Variants in PLCG2 observed in about 807,000 individuals in gnomAD.
PLCG2 encodes the protein 1-phosphatidylinositol 4,5-bisphosphate phosphodiesterase gamma-2.
PLCG2 carries 69 observed loss-of-function variants against 175.6 expected under a neutral mutation model. The observed-to-expected ratio is 0.39, with a 90% CI of 0.32 to 0.48. The LOEUF is 0.48. Ranked by LOEUF, PLCG2 falls within the 20% of genes least tolerant of loss-of-function variation. PLCG2 has a pLI of 0.91. For synonymous variants in PLCG2, 827 were observed against 624.0 expected, an observed-to-expected ratio of 1.33 and a Z score of -4.85; for missense variants, 1,798 against 1,650.9, an observed-to-expected ratio of 1.09 and a Z score of -1.54.
chr16:81,757,744 C>T (rs1195083260), intron 2 of PLCG2, among the ~76,000 whole-genome samples: 1 of 152,150 alleles, frequency 6.6e-6, no homozygotes, highest in African/African-American at 2.4e-5. Context: ...CTGACATCAT[C>T]ACCACAATCA....
intron 19 of PLCG2, among the ~76,000 whole-genome samples, chr16:81,915,744 G>A: frequency 6.6e-6 from 1 of 152,156 alleles, no homozygotes; most frequent in Non-Finnish European, 1.5e-5. Context: ...CCTGTGGAAG[G>A]AGCCGGAACC....
chr16:81,818,869 G>C (rs924688161), intron 2 of PLCG2, among the ~76,000 whole-genome samples: 1 of 139,046 alleles, frequency 7.2e-6, no homozygotes, highest in Admixed American at 7.7e-5. Context: ...CCATAAGCTA[G>C]TGTGGGCTCA....
rs1051117594 is a variant in PLCG2 at position 81,801,398 on chromosome 16, G to A, written c.193+15216G>A. Among the ~76,000 whole-genome samples the A allele has an allele frequency of 3.9e-5, 6 of 152,288 alleles. No individual in the cohort carries two copies. In the East Asian group the frequency reaches 1.2e-3, roughly 29 times the overall value. On this transcript the variant is annotated intron_variant, in intron 2 of 32. Coordinates refer to ENST00000564138, the MANE Select transcript of PLCG2 (RefSeq NM_002661.5). ...CTTTACATAAAAGACACTGCGTGGT[G>A]TGTATCCCTCAAGCAACTTGCATGT...
At chr16:81,767,085 C>A (rs1228931633) in intron 2 of PLCG2, 1 of 151,366 alleles carries the variant, frequency 6.6e-6, no homozygotes, top group Non-Finnish European at 1.5e-5. Context: ...ATGCTGTTCC[C>A]ATTGCCTGGA....
intron 2 of PLCG2, among the ~76,000 whole-genome samples, chr16:81,800,892 G>A (rs1302315183): frequency 1.3e-5 from 2 of 152,084 alleles, no homozygotes; most frequent in Non-Finnish European, 2.9e-5. Flanking sequence ...CAGGAGGGAG[G>A]CAGGAGGGTC....
chr16:81,842,666 G>C (rs937410229), intron 2 of PLCG2: 4 of 152,314 alleles, frequency 2.6e-5, no homozygotes, highest in Admixed American at 2.6e-4. Flanking sequence ...CATGTTCCTG[G>C]TGTCAGGGGT....
intron 10 of PLCG2, among the ~76,000 whole-genome samples, chr16:81,891,076 T>G (rs1488297823): frequency 6.6e-6 from 1 of 152,034 alleles, no homozygotes; most frequent in Non-Finnish European, 1.5e-5. Flanking sequence ...GGCAGGAGAA[T>G]CGCTTCAACC....
chr16:81,879,665 A>C (rs982642987), intron 7 of PLCG2, among the ~76,000 whole-genome samples: 3 of 152,284 alleles, frequency 2.0e-5, no homozygotes, highest in Non-Finnish European at 4.4e-5. Context: ...TAGTGGATAC[A>C]TTTCCCTAAG....
At chr16:81,823,113 T>C (rs1049896907) in intron 2 of PLCG2, among the ~76,000 whole-genome samples, 1 of 152,268 alleles carries the variant, frequency 6.6e-6, no homozygotes, top group Non-Finnish European at 1.5e-5. Context: ...ATGTTGGCTG[T>C]GGTTTCACAG....
At chr16:81,885,375 G>T (rs1287923670) in intron 9 of PLCG2, among the ~76,000 whole-genome samples, 1 of 151,914 alleles carries the variant, frequency 6.6e-6, no homozygotes, top group Non-Finnish European at 1.5e-5. Context: ...TGTTGCTCAG[G>T]CTGATCTCCA....
At chr16:81,794,782 G>A (rs1911392672) in intron 2 of PLCG2, among the ~76,000 whole-genome samples, 1 of 152,186 alleles carries the variant, frequency 6.6e-6, no homozygotes, top group Non-Finnish European at 1.5e-5. Context: ...ATAAAGGCAA[G>A]ATGGCATTGT....
At chr16:81,852,918 C>A (rs1334324414) in intron 2 of PLCG2, among the ~76,000 whole-genome samples, 2 of 152,100 alleles carry the variant, frequency 1.3e-5, no homozygotes, top group African/African-American at 2.4e-5. Context: ...TCTTCCATGG[C>A]CTCTCCATAG....
intron 1 of PLCG2, among the ~76,000 whole-genome samples, chr16:81,784,121 AATT>A (rs1475707154): frequency 1.3e-5 from 2 of 152,152 alleles, no homozygotes; most frequent in Non-Finnish European, 2.9e-5. Context: ...GAGCAGGTGT[AATT>A]ATCTCCTGCT....
intron 30 of PLCG2, 105 bp from the exon 31 acceptor site, chr16:81,946,070 T>G: frequency 1.2e-6 from 1 of 839,596 alleles, no homozygotes; most frequent in Non-Finnish European, 2.1e-6. Context: ...CACTGACTTC[T>G]CTACCCTTTG....
At chr16:81,908,290 A>G in intron 16 of PLCG2, 126 bp from the exon 17 acceptor site, 1 of 810,038 alleles carries the variant, frequency 1.2e-6, no homozygotes, top group Non-Finnish European at 2.0e-6. Context: ...TCGGGTGGGG[A>G]CCAGCTGAGG....
chr16:81,788,778 C>G (rs1441470235), intron 2 of PLCG2, among the ~76,000 whole-genome samples: 1 of 152,214 alleles, frequency 6.6e-6, no homozygotes, highest in African/African-American at 2.4e-5. Context: ...AGCCAGAGCC[C>G]TGCTTTGGAA....
chr16:81,910,052 G>A (rs913372943), intron 17 of PLCG2, among the ~76,000 whole-genome samples: 7 of 152,092 alleles, frequency 4.6e-5, no homozygotes, highest in African/African-American at 1.4e-4. Flanking sequence ...CTGGAATCCA[G>A]GCTGAGGGTC....
At chr16:81,760,448 G>A (rs142139796) in intron 2 of PLCG2, among the ~76,000 whole-genome samples, 58 of 152,258 alleles carry the variant, frequency 3.8e-4, no homozygotes, top group Non-Finnish European at 7.4e-4. Flanking sequence ...ATGCTGGTAC[G>A]TCTGACTATG....
chr16:81,956,040 C>T (rs192093172), intron 31 of PLCG2, among the ~76,000 whole-genome samples: 37 of 152,314 alleles, frequency 2.4e-4, no homozygotes, highest in African/African-American at 7.0e-4. Context: ...AGAAACCTCA[C>T]GCTCATTAGC....
Sources: allele counts gnomAD v4.1 joint callset (sites outside exome capture counted in the v4.1 genomes callset), GRCh38; gene constraint gnomAD v4.1.1; transcripts MANE v1.5; gene names NCBI Gene and HGNC (gene_info 2026-07-23, HGNC 2026-07-21).